Variants in NLRP4 observed in about 807,000 individuals in gnomAD.
NLRP4 encodes the protein NLR family pyrin domain containing 4.
Under a neutral mutation model 84.7 loss-of-function variants are expected in NLRP4, and 44 were observed. That is an observed-to-expected ratio of 0.52 (90% CI 0.41 to 0.67). The LOEUF (loss-of-function observed/expected upper bound fraction) is 0.67. Ranked by LOEUF, NLRP4 falls within the 30% of genes least tolerant of loss-of-function variation. The pLI is 0.00. For synonymous variants in NLRP4, 544 were observed against 476.4 expected (o/e 1.14, Z -1.85); for missense variants, 1,260 against 1,219.4 (o/e 1.03, Z -0.50).
In NLRP4 at chr19:55,850,190, C is replaced by T. The variant is rs572354846; in HGVS notation, c.-65-1826C>T. Among the ~76,000 whole-genome samples the T allele has an allele frequency of 2.8e-5, 4 of 144,710 alleles. No homozygotes were observed. The South Asian group carries it at 6.6e-4, about 24-fold the overall frequency. The allele number at this position is 144,710 out of a possible 152,430, so 94.9% of individuals were successfully genotyped here. On this transcript the variant is annotated intron_variant, in intron 1 of 9. Coordinates refer to ENST00000301295, the MANE Select transcript of NLRP4 (RefSeq NM_134444.5). ...ATTTCCGTGGCTGCGGTGTAATTTC[C>T]GTGGCTGCGGTGTAATTTCCGTGGC... is the stretch of plus-strand genomic sequence containing the variant.
chr19:55,849,913 AGCCGCG>A (rs1983968078), intron 1 of NLRP4, among the ~76,000 whole-genome samples: 1 of 84,576 alleles, frequency 1.2e-5, no homozygotes, highest in Non-Finnish European at 2.0e-5. Flanking sequence ...TAATTTCCGT[AGCCGCG>A]GTGTAATTTC....
chr19:55,855,671 T>C (rs924277256), intron 2 of NLRP4, among the ~76,000 whole-genome samples: 1 of 152,188 alleles, frequency 6.6e-6, no homozygotes, highest in Non-Finnish European at 1.5e-5. Context: ...ATAGGGAAAA[T>C]TTCCCATCTA....
chr19:55,865,793 G>T (rs1984930971), intron 5 of NLRP4, among the ~76,000 whole-genome samples: 1 of 152,018 alleles, frequency 6.6e-6, no homozygotes, highest in African/African-American at 2.4e-5. Flanking sequence ...TTGTCAAGTT[G>T]TAAGTGTTCT....
chr19:55,840,943 G>A (rs886533686), intron 1 of NLRP4, among the ~76,000 whole-genome samples: 1 of 152,148 alleles, frequency 6.6e-6, no homozygotes, highest in Non-Finnish European at 1.5e-5. Flanking sequence ...AGTTTGGTGA[G>A]TAAGATGGGT....
chr19:55,866,542 T>C (rs76721792), intron 5 of NLRP4, among the ~76,000 whole-genome samples: 1 of 152,094 alleles, frequency 6.6e-6, no homozygotes, highest in African/African-American at 2.4e-5. Flanking sequence ...GTTGAGGTAA[T>C]AGAAAACCAC....
chr19:55,851,299 G>A (rs1435641063), intron 1 of NLRP4, among the ~76,000 whole-genome samples: 2 of 57,040 alleles, frequency 3.5e-5, no homozygotes, highest in Non-Finnish European at 2.8e-5. Context: ...CCGTGGCTGC[G>A]GTGTAATGTC....
chr19:55,861,911 G>A, intron 4 of NLRP4, 81 bp from the exon 5 acceptor site: 1 of 942,606 alleles, frequency 1.1e-6, no homozygotes, highest in Non-Finnish European at 1.7e-6. Flanking sequence ...AGTTCATGAT[G>A]GATGATGAGA....
chr19:55,857,374 G>A, intron 2 of NLRP4: 1 of 389,286 alleles, frequency 2.6e-6, no homozygotes, highest in South Asian at 7.0e-5. Flanking sequence ...GAAAGCAGAA[G>A]TTGTCAACCT....
chr19:55,862,061 G>A lies in NLRP4; in HGVS notation c.2088G>A (p.Leu696=). 1 of 1,612,982 alleles carries A rather than the reference G, an allele frequency of 6.2e-7. No homozygotes were observed. Among genetic ancestry groups the A allele is most frequent in the Non-Finnish European group, 8.5e-7 (1 of 1,178,920 alleles). Residue 696 remains leucine, a synonymous_variant, in exon 5 of 10, where the codon TTG becomes TTA. Transcript: ENST00000301295. ...AGGTGCTCTTTTATCAGCCAGACTT[G>A]AAATACCTGAGCTTCACCCTCACGA... ...LFEVLFYQPD[L]KYLSFTLTKL...
At chr19:55,840,405 A>G (rs1983567039) in intron 1 of NLRP4, among the ~76,000 whole-genome samples, 3 of 150,592 alleles carry the variant, frequency 2.0e-5, no homozygotes, top group South Asian at 4.2e-4. Flanking sequence ...TCTTTTTGAG[A>G]CAGAGTCTTG....
chr19:55,844,934 G>A (rs1395274916), intron 1 of NLRP4, among the ~76,000 whole-genome samples: 1 of 152,026 alleles, frequency 6.6e-6, no homozygotes, highest in Non-Finnish European at 1.5e-5. Context: ...TCCATCTGTA[G>A]CCAATCTGAA....
intron 9 of NLRP4, among the ~76,000 whole-genome samples, chr19:55,880,169 T>C (rs1985533227): frequency 1.2e-5 from 1 of 84,788 alleles, no homozygotes; most frequent in African/African-American, 4.0e-5. Context: ...GAACATTCAC[T>C]GATTTTTTTT....
chr19:55,876,938 C>T (rs891268838), intron 7 of NLRP4, 58 bp from the exon 8 acceptor site: 2 of 1,424,576 alleles, frequency 1.4e-6, no homozygotes, highest in Non-Finnish European at 1.9e-6. Context: ...TGTCTCTTTT[C>T]CTGATATTAG....
chr19:55,848,952 G>C (rs117569327), intron 1 of NLRP4, among the ~76,000 whole-genome samples: 2 of 152,086 alleles, frequency 1.3e-5, no homozygotes, highest in Non-Finnish European at 2.9e-5. Context: ...CTTGTCTGCC[G>C]CCATGTAAGA....
chr19:55,852,952 C>T (rs144720897), intron 2 of NLRP4, among the ~76,000 whole-genome samples: 5 of 152,194 alleles, frequency 3.3e-5, no homozygotes, highest in Non-Finnish European at 7.3e-5. Context: ...GAGGTGAAGT[C>T]GTTGCATAAG....
intron 1 of NLRP4, among the ~76,000 whole-genome samples, chr19:55,848,410 T>C (rs974154802): frequency 2.6e-5 from 4 of 152,108 alleles, no homozygotes; most frequent in African/African-American, 9.7e-5. Context: ...TATAGCATAC[T>C]ATACTATACA....
chr19:55,868,816 A>G (rs1394701056), intron 6 of NLRP4, among the ~76,000 whole-genome samples: 2 of 152,150 alleles, frequency 1.3e-5, no homozygotes, highest in Non-Finnish European at 2.9e-5. Context: ...AAGCTGGGAG[A>G]TAGGGGAGGA....
intron 1 of NLRP4, among the ~76,000 whole-genome samples, chr19:55,846,633 A>G (rs533593334): frequency 1.3e-5 from 2 of 152,252 alleles, no homozygotes; most frequent in Middle Eastern, 6.8e-3. Flanking sequence ...TATTTGCCCA[A>G]AATTAACAGA....
chr19:55,848,179 A>G (rs1568656940), intron 1 of NLRP4, among the ~76,000 whole-genome samples: 1 of 152,024 alleles, frequency 6.6e-6, no homozygotes, highest in Non-Finnish European at 1.5e-5. Flanking sequence ...GTGGGACATC[A>G]TTCATGTTGG....
Sources: allele counts gnomAD v4.1 joint callset (sites outside exome capture counted in the v4.1 genomes callset), GRCh38; gene constraint gnomAD v4.1.1; transcripts MANE v1.5; gene names NCBI Gene and HGNC (gene_info 2026-07-23, HGNC 2026-07-21).